Variants in CRACR2A observed in about 807,000 individuals in gnomAD.
CRACR2A encodes the protein EF-hand calcium-binding domain-containing protein 4B.
Under a neutral mutation model 90.5 loss-of-function variants are expected in CRACR2A, and 79 were observed. The observed-to-expected ratio is 0.87, with a 90% CI of 0.73 to 1.05. CRACR2A has a LOEUF of 1.05. CRACR2A is among the 50% of genes least tolerant of loss of function. The pLI is 0.00. For synonymous variants in CRACR2A, 338 were observed against 356.7 expected, an observed-to-expected ratio of 0.95 and a Z score of 0.59; for missense variants, 823 against 897.2, an observed-to-expected ratio of 0.92 and a Z score of 1.06.
In CRACR2A at chr12:3,618,932, G is replaced by C. The variant is rs116135279; in HGVS notation, c.2034+339C>G. Among the ~76,000 whole-genome samples, 590 of 152,286 alleles carry C rather than the reference G, an allele frequency of 3.9e-3. 3 individuals carry two copies. The highest frequency in any genetic ancestry group is 0.013 in the African/African-American group (557 of 41,560). ...AGAGAGTGAGTTTTTCATCCCTGGG[G>C]GTGATCAAGTGGAAATGCAGATTGG... On this transcript the variant is annotated intron_variant, in intron 18 of 19. Transcript: ENST00000440314.
At chr12:3,656,203 G>C in intron 9 of CRACR2A, 108 bp downstream of exon 9, 2 of 1,049,564 alleles carry the variant, frequency 1.9e-6, no homozygotes, top group Non-Finnish European at 2.9e-6. Context: ...TTCTTCTCAG[G>C]TTAAAAACTC....
At chr12:3,631,076 AGCCT>A (rs1208914774) in intron 15 of CRACR2A, among the ~76,000 whole-genome samples, 1 of 152,190 alleles carries the variant, frequency 6.6e-6, no homozygotes, top group Non-Finnish European at 1.5e-5. Context: ...TAAAGGGGGC[AGCCT>A]GCAGGTGGCT....
chr12:3,749,959 G>A (rs773704423), intron 1 of CRACR2A, among the ~76,000 whole-genome samples: 13 of 150,594 alleles, frequency 8.6e-5, no homozygotes, highest in South Asian at 2.1e-4. Flanking sequence ...TTTTTGAGAC[G>A]GAGTATCGCT....
At chr12:3,750,163 T>G (rs1435167600) in intron 1 of CRACR2A, among the ~76,000 whole-genome samples, 1 of 151,988 alleles carries the variant, frequency 6.6e-6, no homozygotes, top group East Asian at 1.9e-4. Flanking sequence ...CTCGAACTTC[T>G]GACCTCAGGT....
chr12:3,713,341 T>C (rs1946035047), intron 2 of CRACR2A, 24 bp from the exon 3 acceptor site: 1 of 977,604 alleles, frequency 1.0e-6, no homozygotes, highest in Non-Finnish European at 1.2e-6. Context: ...AAGAGATGAA[T>C]CACACCTTAT....
At chr12:3,659,505 G>A (rs1944984361) in intron 8 of CRACR2A, 59 bp downstream of exon 8, 13 of 1,490,722 alleles carry the variant, frequency 8.7e-6, no homozygotes, top group South Asian at 2.3e-5. Flanking sequence ...AAACCTGGGG[G>A]AGACAGAGCA....
At chr12:3,670,563 G>A (rs969113670) in intron 7 of CRACR2A, among the ~76,000 whole-genome samples, 3 of 152,168 alleles carry the variant, frequency 2.0e-5, no homozygotes, top group African/African-American at 7.2e-5. Context: ...CTTGTTTGAT[G>A]TCTGAGTTAC....
intron 1 of CRACR2A, among the ~76,000 whole-genome samples, chr12:3,748,081 G>A (rs552787759): frequency 2.6e-5 from 4 of 152,190 alleles, no homozygotes; most frequent in African/African-American, 9.7e-5. Flanking sequence ...GGTACACTAC[G>A]AGCACAGGAC....
rs191611511 is a variant in CRACR2A, at chr12:3,633,416, G to A, written c.1735+188C>T. 3.5e-4 allele frequency among the ~76,000 whole-genome samples: 54 copies of A among 152,256 alleles called. No homozygotes were observed. Among genetic ancestry groups the A allele is most frequent in the Admixed American group, 1.4e-3 (22 of 15,300 alleles). Reference sequence around the variant, plus strand: ...CAGGATGAGCTTAGCAGCTAGCAGCGTGAGGGGAGGTGGCTTCATCTTGCC... The same window carrying A: ...CAGGATGAGCTTAGCAGCTAGCAGCATGAGGGGAGGTGGCTTCATCTTGCC... On this transcript the variant is annotated intron_variant, in intron 15 of 19. Coordinates refer to ENST00000440314, the MANE Select transcript of CRACR2A (RefSeq NM_001144958.2). This position sits in a 1 kb window ranked among gnomAD's most constrained non-coding sequence, Gnocchi z 4.5.
intron 1 of CRACR2A, among the ~76,000 whole-genome samples, chr12:3,733,961 A>C (rs1946400110): frequency 4.8e-5 from 6 of 125,342 alleles, no homozygotes; most frequent in East Asian, 4.7e-4. Flanking sequence ...TAGACTGGAC[A>C]CATTTTGCCT....
intron 13 of CRACR2A, chr12:3,640,506 G>C (rs574695808): frequency 1.7e-6 from 2 of 1,204,986 alleles, no homozygotes; most frequent in African/African-American, 3.2e-5. Context: ...ATCAGTAAAC[G>C]TCTGCTGAAT....
At chr12:3,748,332 T>C (rs756211663) in intron 1 of CRACR2A, among the ~76,000 whole-genome samples, 2 of 152,084 alleles carry the variant, frequency 1.3e-5, no homozygotes, top group South Asian at 2.1e-4. Flanking sequence ...ACCTGGAGCA[T>C]CACCCAGAGT....
intron 4 of CRACR2A, among the ~76,000 whole-genome samples, chr12:3,690,177 T>C (rs906259746): frequency 6.6e-6 from 1 of 152,196 alleles, no homozygotes; most frequent in Admixed American, 6.5e-5. Flanking sequence ...GCTCTGATTA[T>C]GGTTATTTCT....
intron 2 of CRACR2A, among the ~76,000 whole-genome samples, chr12:3,722,965 GGATT>G (rs1946207130): frequency 6.6e-6 from 1 of 152,206 alleles, no homozygotes; most frequent in Non-Finnish European, 1.5e-5. Flanking sequence ...CCTTATCTGT[GGATT>G]GATTGGGCTG....
In CRACR2A at chr12:3,638,290, AG is replaced by A. The variant is rs754195215; in HGVS notation, c.1435del (p.Leu479CysfsTer13). ...RRIISVEEDP[L>X]PQLLDGGFEQ... ...AAAGCCACCATCCAGGAGCTGGGGCAGGGGGTCTTCTTCAACGGAGATGATT... is the reference window on the plus strand; with the variant it reads ...AAAGCCACCATCCAGGAGCTGGGGCAGGGGTCTTCTTCAACGGAGATGATT... On this transcript the variant is annotated frameshift_variant, in exon 14 of 20. Transcript: ENST00000440314. LOFTEE classifies it high-confidence loss of function. The A allele has an allele frequency of 1.3e-6, 2 of 1,551,592 alleles. No individual in the cohort carries two copies. Among genetic ancestry groups the A allele is most frequent in the South Asian group, 1.2e-5 (1 of 84,050 alleles).
intron 3 of CRACR2A, among the ~76,000 whole-genome samples, chr12:3,699,942 C>T (rs1945809475): frequency 6.6e-6 from 1 of 152,018 alleles, no homozygotes; most frequent in South Asian, 2.1e-4. Flanking sequence ...CTTCTGTTTC[C>T]AGAAAAGATG....
rs749648062 is a variant in CRACR2A, at chr12:3,654,268, C to T, written c.990G>A (p.Gln330=). Residue 330 remains glutamine, a synonymous_variant, in exon 10 of 20, where the codon CAG becomes CAA. Transcript: ENST00000440314. ...ERTSWELQDA[Q]QQLESLQQEA... ...CTTGCTGGAGGCTTTCCAACTGCTG[C>T]TGAGCATCCTGGAGCTCCCAGGAAG... The T allele has an allele frequency of 1.9e-6, 3 of 1,613,742 alleles. No individual in the cohort carries two copies. The African/African-American group carries it at 4.0e-5, about 22-fold the overall frequency.
chr12:3,648,744 G>T, intron 10 of CRACR2A, 131 bp from the exon 11 acceptor site: 1 of 1,311,230 alleles, frequency 7.6e-7, no homozygotes, highest in Non-Finnish European at 1.0e-6. Flanking sequence ...GCCTCCTCCT[G>T]GAGAGCTCCT....
intron 2 of CRACR2A, among the ~76,000 whole-genome samples, chr12:3,720,333 AAAG>A (rs1445161389): frequency 1.4e-4 from 20 of 146,008 alleles, no homozygotes; most frequent in African/African-American, 2.0e-4. Flanking sequence ...GACAGAAAGA[AAAG>A]AAAGAAAGAA....
Sources: gnomAD v4.1 joint callset for allele counts (sites outside exome capture counted in the v4.1 genomes callset) on GRCh38, gnomAD v4.1.1 for gene constraint, Gnocchi (gnomAD v3.1) non-coding constraint, MANE v1.5 for transcripts, NCBI Gene and HGNC (gene_info 2026-07-23, HGNC 2026-07-21) for gene names.